RBMS3: variants seen among roughly 807,000 people sequenced by gnomAD.
RBMS3 encodes the protein RNA binding motif single stranded interacting protein 3.
Under a neutral mutation model 66.8 loss-of-function variants are expected in RBMS3, and 27 were observed. That is an observed-to-expected ratio of 0.40 (90% CI 0.30 to 0.56). RBMS3 has a LOEUF of 0.56. Among genes scored for constraint, RBMS3 ranks in the 20% least tolerant of loss-of-function variants. RBMS3 has a pLI of 0.40. For missense variants in RBMS3, 513 were observed against 549.5 expected (o/e 0.93, Z 0.66); for synonymous variants, 188 against 183.0 (o/e 1.03, Z -0.22).
chr3:29,928,518 A>G (rs1309907502), intron 10 of RBMS3, among the ~76,000 whole-genome samples: 4 of 151,906 alleles, frequency 2.6e-5, no homozygotes, highest in African/African-American at 9.7e-5. Flanking sequence ...ATACATCTGT[A>G]TAGGAAAGCT....
intron 1 of RBMS3, among the ~76,000 whole-genome samples, chr3:29,378,904 A>C (rs1559531971): frequency 6.6e-6 from 1 of 152,228 alleles, no homozygotes; most frequent in Non-Finnish European, 1.5e-5. Context: ...TTTTCCAAAT[A>C]AGCTCAATGG....
chr3:29,416,349 CATTTTGT>C (rs1318848011), intron 1 of RBMS3, among the ~76,000 whole-genome samples: 1 of 124,140 alleles, frequency 8.1e-6, no homozygotes, highest in Non-Finnish European at 1.8e-5. Flanking sequence ...CCTGTATAAT[CATTTTGT>C]ATTCTTCTCA....
At chr3:29,782,782 A>G (rs1488751182) in intron 6 of RBMS3, among the ~76,000 whole-genome samples, 1 of 152,164 alleles carries the variant, frequency 6.6e-6, no homozygotes, top group Non-Finnish European at 1.5e-5. Context: ...AATCAAAAAC[A>G]CGTTACAGGA....
intron 1 of RBMS3, among the ~76,000 whole-genome samples, chr3:29,422,143 T>C (rs537979461): frequency 2.6e-5 from 4 of 152,262 alleles, no homozygotes; most frequent in African/African-American, 9.6e-5. Context: ...GGCATAGAGG[T>C]AAAGCAAGAT....
chr3:29,402,326 ATGCACAAACAGCTCAAT>A (rs1382983288), intron 1 of RBMS3, among the ~76,000 whole-genome samples: 1 of 152,090 alleles, frequency 6.6e-6, no homozygotes, highest in Non-Finnish European at 1.5e-5. Context: ...ATTAAGCCAA[ATGCACAAACAGCTCAAT>A]TGCCCACTTT....
chr3:29,298,597 A>ATT (rs57337998), intron 1 of RBMS3, among the ~76,000 whole-genome samples: 11 of 148,938 alleles, frequency 7.4e-5, no homozygotes, highest in South Asian at 2.1e-4. Flanking sequence ...GGTGTTTGGC[A>ATT]TTTTTTTTTT....
At position 29,281,216 on chromosome 3, in the gene RBMS3, C is replaced by G. The variant is rs1208364748; in HGVS notation, c.-466C>G. 8.1e-6 allele frequency: 1 copy of G among 123,916 alleles called. No individual in the cohort carries two copies. The highest frequency in any genetic ancestry group is 3.0e-5 in the African/African-American group (1 of 33,090). 7.7% of individuals were successfully genotyped at this position (123,916 alleles called of 1,614,324 possible). On this transcript the variant is annotated 5_prime_UTR_variant, in exon 1 of 15. Coordinates refer to ENST00000383767, the MANE Select transcript of RBMS3 (RefSeq NM_001003793.3). ...TTTCTTTCTTTCTTTCTCTTTCTCT[C>G]TCTCTTTTTTCTTTTTCTTTAAGGT...
intron 3 of RBMS3, among the ~76,000 whole-genome samples, chr3:29,585,407 G>A (rs1205351316): frequency 6.6e-6 from 1 of 152,116 alleles, no homozygotes; most frequent in Non-Finnish European, 1.5e-5. Flanking sequence ...GGGATATAAA[G>A]CAATTCATGG....
At chr3:29,314,015 C>G (rs972120619) in intron 1 of RBMS3, among the ~76,000 whole-genome samples, 4 of 151,622 alleles carry the variant, frequency 2.6e-5, no homozygotes, top group Non-Finnish European at 5.9e-5. Flanking sequence ...TGGGCATTGG[C>G]AAATTTTCTT....
intron 4 of RBMS3, among the ~76,000 whole-genome samples, chr3:29,666,995 T>G (rs922821694): frequency 2.0e-5 from 3 of 152,186 alleles, no homozygotes; most frequent in East Asian, 1.9e-4. Flanking sequence ...ACAGTTTTAC[T>G]GCCCTGTCTT....
chr3:29,884,469 T>TAC (rs1455508434), intron 8 of RBMS3, among the ~76,000 whole-genome samples: 2 of 66,334 alleles, frequency 3.0e-5, no homozygotes, highest in African/African-American at 1.1e-4. Context: ...TCTCTCTCTC[T>TAC]CCCCCCCCGC....
chr3:29,976,941 C>T (rs1697630657), intron 12 of RBMS3, among the ~76,000 whole-genome samples: 1 of 152,092 alleles, frequency 6.6e-6, no homozygotes. Context: ...CCCTATATCC[C>T]CAAGCTTTCT....
At chr3:29,769,551 T>C (rs535161188) in intron 6 of RBMS3, among the ~76,000 whole-genome samples, 1 of 151,958 alleles carries the variant, frequency 6.6e-6, no homozygotes, top group Non-Finnish European at 1.5e-5. Flanking sequence ...ATACTTGCCT[T>C]GATTGCCTCT....
chr3:29,408,854 C>T (rs927290840), intron 1 of RBMS3, among the ~76,000 whole-genome samples: 1 of 152,140 alleles, frequency 6.6e-6, no homozygotes, highest in African/African-American at 2.4e-5. Context: ...ATGTTTTGTT[C>T]TCTGGTGAAC....
At chr3:29,426,247 T>C (rs2040954696) in intron 1 of RBMS3, among the ~76,000 whole-genome samples, 1 of 152,364 alleles carries the variant, frequency 6.6e-6, no homozygotes, top group Admixed American at 6.5e-5. Flanking sequence ...AAAGACCAGA[T>C]GTCACTGCCA....
intron 4 of RBMS3, among the ~76,000 whole-genome samples, chr3:29,738,447 T>C (rs2054475849): frequency 6.6e-6 from 1 of 152,208 alleles, no homozygotes; most frequent in African/African-American, 2.4e-5. Context: ...TAAATACAAC[T>C]AAGTTCTAAA....
At chr3:29,453,797 C>T (rs2042088699) in intron 2 of RBMS3, among the ~76,000 whole-genome samples, 1 of 152,310 alleles carries the variant, frequency 6.6e-6, no homozygotes, top group Admixed American at 6.5e-5. Flanking sequence ...TGGCATTCCA[C>T]GCTAGCCAGG....
intron 5 of RBMS3, among the ~76,000 whole-genome samples, chr3:29,753,313 A>C (rs1229448045): frequency 6.6e-6 from 1 of 152,194 alleles, no homozygotes; most frequent in Admixed American, 6.5e-5. Flanking sequence ...GAGAAATGCC[A>C]CAAGACCGGG....
At chr3:29,960,733 C>T (rs1036715475) in intron 12 of RBMS3, among the ~76,000 whole-genome samples, 8 of 152,174 alleles carry the variant, frequency 5.3e-5, no homozygotes, top group Non-Finnish European at 1.0e-4. Flanking sequence ...CACGTGGAAG[C>T]TGCCAAGGCT....
Sources: allele counts gnomAD v4.1 joint callset (sites outside exome capture counted in the v4.1 genomes callset), GRCh38; gene constraint gnomAD v4.1.1; transcripts MANE v1.5; gene names NCBI Gene and HGNC (gene_info 2026-07-23, HGNC 2026-07-21).